The following EPHA6 variants were observed in gnomAD, a reference collection of about 807,000 sequenced individuals.
EPHA6 encodes the protein ephrin type-A receptor 6.
A neutral mutation model predicts 112.0 loss-of-function variants in EPHA6; 50 were observed. The observed-to-expected ratio is 0.45, with a 90% CI of 0.36 to 0.56. EPHA6 has a LOEUF of 0.56. Ranked by LOEUF, EPHA6 falls within the 20% of genes least tolerant of loss-of-function variation. EPHA6 has a pLI of 0.00. For missense variants in EPHA6, 1,280 were observed against 1,417.4 expected (o/e 0.90, Z 1.56); for synonymous variants, 529 against 490.7 (o/e 1.08, Z -1.03).
chr3:97,420,739 G>A (rs1444679873), intron 6 of EPHA6, among the ~76,000 whole-genome samples: 3 of 151,738 alleles, frequency 2.0e-5, no homozygotes, highest in Non-Finnish European at 4.4e-5. Context: ...GAGGGCAGTA[G>A]GAGAAATAAT....
chr3:97,465,743 G>A (rs369075895), intron 7 of EPHA6, among the ~76,000 whole-genome samples: 5 of 152,104 alleles, frequency 3.3e-5, no homozygotes, highest in East Asian at 1.9e-4. Context: ...GTGGTTAGCC[G>A]TGCTTCCATA....
chr3:97,660,226 C>T (rs1324282136), intron 14 of EPHA6, among the ~76,000 whole-genome samples: 6 of 151,972 alleles, frequency 3.9e-5, no homozygotes, highest in Non-Finnish European at 7.4e-5. Flanking sequence ...TTTTTAATAT[C>T]ACTGTATATT....
chr3:97,649,391 G>C (rs1238125915), intron 14 of EPHA6, among the ~76,000 whole-genome samples: 1 of 151,960 alleles, frequency 6.6e-6, no homozygotes, highest in East Asian at 1.9e-4. Context: ...TACAACTCAG[G>C]GTGAGATTTG....
At chr3:97,667,191 T>C (rs1236034204) in intron 14 of EPHA6, among the ~76,000 whole-genome samples, 4 of 152,204 alleles carry the variant, frequency 2.6e-5, no homozygotes, top group Non-Finnish European at 5.9e-5. Context: ...ATCAGAACCA[T>C]CATATCTCAA....
intron 3 of EPHA6, among the ~76,000 whole-genome samples, chr3:97,110,512 C>T (rs1357518587): frequency 6.6e-6 from 1 of 151,746 alleles, no homozygotes; most frequent in Non-Finnish European, 1.5e-5. Context: ...ATAACTCCTT[C>T]ATTTTATTAT....
At chr3:97,543,989 G>A (rs1449775188) in intron 11 of EPHA6, among the ~76,000 whole-genome samples, 1 of 152,152 alleles carries the variant, frequency 6.6e-6, no homozygotes, top group Non-Finnish European at 1.5e-5. Flanking sequence ...TGGAGATTTT[G>A]GGCTCAGATG....
At chr3:97,102,393 G>T (rs1317074061) in intron 3 of EPHA6, among the ~76,000 whole-genome samples, 1 of 151,998 alleles carries the variant, frequency 6.6e-6, no homozygotes, top group Non-Finnish European at 1.5e-5. Flanking sequence ...TAAAATTATT[G>T]TTATTTTAAC....
intron 11 of EPHA6, among the ~76,000 whole-genome samples, chr3:97,578,115 T>TA (rs1266846621): frequency 2.0e-5 from 3 of 152,094 alleles, no homozygotes; most frequent in African/African-American, 7.2e-5. Flanking sequence ...CCAGGAATGC[T>TA]AAAAAAGGAA....
intron 14 of EPHA6, among the ~76,000 whole-genome samples, chr3:97,692,606 TACA>T (rs1440844338): frequency 6.6e-6 from 1 of 152,208 alleles, no homozygotes; most frequent in Non-Finnish European, 1.5e-5. Context: ...TTATGTGATT[TACA>T]GTGCCTTGTA....
chr3:97,599,345 C>A (rs1381360854), intron 12 of EPHA6, among the ~76,000 whole-genome samples: 1 of 150,498 alleles, frequency 6.6e-6, no homozygotes, highest in Non-Finnish European at 1.5e-5. Flanking sequence ...CTTGCCCATG[C>A]CTATGTCCTG....
intron 5 of EPHA6, among the ~76,000 whole-genome samples, chr3:97,341,012 C>T (rs2083277192): frequency 3.9e-5 from 6 of 152,212 alleles, no homozygotes; most frequent in Admixed American, 3.9e-4. Context: ...CCAGAAGTCT[C>T]AATCCATCTT....
At chr3:96,902,035 A>T (rs927922822) in intron 2 of EPHA6, among the ~76,000 whole-genome samples, 3 of 152,188 alleles carry the variant, frequency 2.0e-5, no homozygotes, top group Non-Finnish European at 2.9e-5. Context: ...AATTACACCA[A>T]TTTCACAAAA....
intron 3 of EPHA6, among the ~76,000 whole-genome samples, chr3:97,090,796 C>T (rs1027274835): frequency 3.3e-5 from 5 of 151,940 alleles, no homozygotes; most frequent in Middle Eastern, 3.4e-3. Context: ...CAAGTAAAAA[C>T]GATTTCTAGA....
chr3:97,705,468 C>T (rs2033627720), intron 14 of EPHA6, among the ~76,000 whole-genome samples: 1 of 152,146 alleles, frequency 6.6e-6, no homozygotes, highest in Non-Finnish European at 1.5e-5. Context: ...TGTGATTGTA[C>T]ACTACATCTC....
At chr3:97,185,943 T>C (rs2077117148) in intron 3 of EPHA6, among the ~76,000 whole-genome samples, 1 of 151,762 alleles carries the variant, frequency 6.6e-6, no homozygotes, top group Non-Finnish European at 1.5e-5. Context: ...ACCATCATTC[T>C]GAGCAAACTA....
chr3:97,696,429 T>G (rs1204094196), intron 14 of EPHA6, among the ~76,000 whole-genome samples: 1 of 152,240 alleles, frequency 6.6e-6, no homozygotes, highest in East Asian at 1.9e-4. Flanking sequence ...TCAAGATGTC[T>G]TAACATTCTG....
chr3:97,662,577 GCTC>G (rs1244442512), intron 14 of EPHA6, among the ~76,000 whole-genome samples: 1 of 152,034 alleles, frequency 6.6e-6, no homozygotes, highest in Non-Finnish European at 1.5e-5. Flanking sequence ...AATATTCTCC[GCTC>G]CTCCTTCAGC....
At chr3:96,943,889 T>C (rs1028181778) in intron 2 of EPHA6, among the ~76,000 whole-genome samples, 63 of 152,178 alleles carry the variant, frequency 4.1e-4, no homozygotes, top group African/African-American at 1.5e-3. Context: ...GGAATGAATT[T>C]GAGATGTTGG....
At chr3:97,495,328 T>G (rs2091947373) in intron 10 of EPHA6, among the ~76,000 whole-genome samples, 1 of 151,082 alleles carries the variant, frequency 6.6e-6, no homozygotes. Context: ...TAGATATAGA[T>G]ATGTTGAAAA....
Sources: allele counts gnomAD v4.1 joint callset (sites outside exome capture counted in the v4.1 genomes callset), GRCh38; gene constraint gnomAD v4.1.1; transcripts MANE v1.5; gene names NCBI Gene and HGNC (gene_info 2026-07-23, HGNC 2026-07-21).